The following ADAMTS9 variants were observed in gnomAD, a reference collection of about 807,000 sequenced individuals.
The protein encoded by ADAMTS9 is A disintegrin and metalloproteinase with thrombospondin motifs 9.
In ADAMTS9, 107 loss-of-function variants were observed where a neutral mutation model predicts 257.1. The observed-to-expected ratio is 0.42, with a 90% CI of 0.36 to 0.49. The LOEUF (loss-of-function observed/expected upper bound fraction) is 0.49. ADAMTS9 is among the 20% of genes least tolerant of loss of function. The pLI, the probability that ADAMTS9 is intolerant of heterozygous loss-of-function variation, is 0.03. For missense variants in ADAMTS9, 2,353 were observed against 2,469.1 expected, an observed-to-expected ratio of 0.95 and a Z score of 1.00; for synonymous variants, 982 against 880.9, an observed-to-expected ratio of 1.11 and a Z score of -2.03.
At chr3:64,584,052 A>G (rs2084081287) in intron 28 of ADAMTS9, 2 of 152,168 alleles carry the variant, frequency 1.3e-5, no homozygotes, top group Non-Finnish European at 1.5e-5. Flanking sequence ...AACCAAAAAG[A>G]AGGAAATAAT....
chr3:64,582,942 G>C (rs1312632205), intron 28 of ADAMTS9: 1 of 152,154 alleles, frequency 6.6e-6, no homozygotes. Context: ...CCAATCCCTA[G>C]ATACTGCTGA....
chr3:64,600,585 T>C (rs917211928), intron 26 of ADAMTS9, among the ~76,000 whole-genome samples: 4 of 152,252 alleles, frequency 2.6e-5, no homozygotes, highest in African/African-American at 9.6e-5. Context: ...TGTGTGAGTT[T>C]TGAATTTTGT....
chr3:64,600,900 A>G (rs1394160414), intron 26 of ADAMTS9, among the ~76,000 whole-genome samples: 1 of 152,204 alleles, frequency 6.6e-6, no homozygotes, highest in Non-Finnish European at 1.5e-5. Context: ...AGAAACAATT[A>G]AACAGAATTA....
chr3:64,570,703 A>C (rs2083661787), intron 28 of ADAMTS9, among the ~76,000 whole-genome samples: 1 of 151,052 alleles, frequency 6.6e-6, no homozygotes, highest in African/African-American at 2.4e-5. Flanking sequence ...CTCAAAAAAA[A>C]AAAAAAAAAA....
intron 3 of ADAMTS9, among the ~76,000 whole-genome samples, chr3:64,679,958 A>G (rs1576188998): frequency 6.6e-6 from 1 of 152,220 alleles, no homozygotes; most frequent in East Asian, 1.9e-4. Context: ...GGCTCTTTAG[A>G]GTCTGACAGA....
At chr3:64,570,693 CTCAAAAAAAAAAAAA>C (rs1415071136) in intron 28 of ADAMTS9, among the ~76,000 whole-genome samples, 1 of 59,264 alleles carries the variant, frequency 1.7e-5, no homozygotes, top group African/African-American at 8.7e-5. Context: ...AAGACTCCGT[CTCAAAAAAAAAAAAA>C]AAAAAAAAAA....
chr3:64,608,309 T>C (rs1439623703), intron 22 of ADAMTS9, among the ~76,000 whole-genome samples: 1 of 97,740 alleles, frequency 1.0e-5, no homozygotes, highest in South Asian at 3.2e-4. Flanking sequence ...AAGATTAGAA[T>C]GGAGATAAAT....
intron 26 of ADAMTS9, among the ~76,000 whole-genome samples, chr3:64,600,865 G>A (rs961985599): frequency 2.6e-5 from 4 of 152,178 alleles, no homozygotes; most frequent in Admixed American, 2.6e-4. Flanking sequence ...GAAACAGACA[G>A]CTTCCTTCTA....
chr3:64,677,484 C>G (rs1466924529), intron 3 of ADAMTS9, among the ~76,000 whole-genome samples: 1 of 152,192 alleles, frequency 6.6e-6, no homozygotes, highest in Admixed American at 6.5e-5. Flanking sequence ...AGCCTTGCTA[C>G]TAGCTGGCAG....
At chr3:64,612,407 T>A (rs1431874514) in intron 22 of ADAMTS9, among the ~76,000 whole-genome samples, 1 of 152,202 alleles carries the variant, frequency 6.6e-6, no homozygotes, top group African/African-American at 2.4e-5. Context: ...AAGTGAACTC[T>A]CCCTATTAAT....
chr3:64,665,505 G>A (rs997387013), intron 3 of ADAMTS9, among the ~76,000 whole-genome samples: 34 of 152,208 alleles, frequency 2.2e-4, no homozygotes, highest in Admixed American at 7.2e-4. Flanking sequence ...GCATAGGAAC[G>A]AATGAATAAA....
At chr3:64,655,501 T>C in intron 6 of ADAMTS9, 75 bp downstream of exon 6, 1 of 1,239,634 alleles carries the variant, frequency 8.1e-7, no homozygotes, top group Admixed American at 1.7e-5. Flanking sequence ...AGCAGCTGAC[T>C]ATTAGGAATG....
intron 4 of ADAMTS9, among the ~76,000 whole-genome samples, chr3:64,656,265 C>T (rs925925960): frequency 6.6e-6 from 1 of 152,150 alleles, no homozygotes; most frequent in African/African-American, 2.4e-5. Flanking sequence ...ATGTTTGCCA[C>T]CCATTGTGTC....
At chr3:64,626,509 T>G (rs1233823125) in intron 16 of ADAMTS9, among the ~76,000 whole-genome samples, 3 of 152,162 alleles carry the variant, frequency 2.0e-5, no homozygotes, top group Non-Finnish European at 4.4e-5. Context: ...AAATCCACTT[T>G]TTTGACTAAT....
chr3:64,643,590 C>T (rs1392534063), intron 11 of ADAMTS9, among the ~76,000 whole-genome samples: 1 of 151,278 alleles, frequency 6.6e-6, no homozygotes, highest in Admixed American at 6.6e-5. Flanking sequence ...GTAGCTGGGA[C>T]CACAGGTGTA....
rs200812357 is a variant in ADAMTS9 at position 64,534,783 on chromosome 3, G to A, written c.5614-1513C>T. Among the ~76,000 whole-genome samples, 6 of 146,756 alleles carry A rather than the reference G, an allele frequency of 4.1e-5. No homozygotes were observed. In the East Asian group the frequency reaches 1.2e-3, roughly 30 times the overall value. ...TTTTGTTTGTCACAACTGTGGGGGG[G>A]CAGGGAATGGTGCTGCTGTTGGCAT... On this transcript the variant is annotated intron_variant, in intron 37 of 39. Coordinates refer to ENST00000498707, the MANE Select transcript of ADAMTS9 (RefSeq NM_182920.2).
intron 19 of ADAMTS9, among the ~76,000 whole-genome samples, chr3:64,616,882 T>C (rs894697109): frequency 2.0e-5 from 3 of 152,172 alleles, no homozygotes; most frequent in African/African-American, 7.2e-5. Flanking sequence ...TGCTTAGAAA[T>C]TGTGTGGTTT....
At chr3:64,531,933 G>A (rs1323188443) in intron 38 of ADAMTS9, among the ~76,000 whole-genome samples, 1 of 152,168 alleles carries the variant, frequency 6.6e-6, no homozygotes, top group Non-Finnish European at 1.5e-5. Flanking sequence ...CACGTTCTCA[G>A]GACTTCAGAG....
chr3:64,517,379 A>G (rs2082787900), intron 39 of ADAMTS9, among the ~76,000 whole-genome samples: 1 of 144,436 alleles, frequency 6.9e-6, no homozygotes, highest in Non-Finnish European at 1.5e-5. Context: ...AGCTGGGTCT[A>G]CAGGTGCAAA....
Sources: allele counts gnomAD v4.1 joint callset (sites outside exome capture counted in the v4.1 genomes callset), GRCh38; gene constraint gnomAD v4.1.1; transcripts MANE v1.5; gene names NCBI Gene and HGNC (gene_info 2026-07-23, HGNC 2026-07-21).